Variants in EPHA2 observed in about 807,000 individuals in gnomAD.
EPHA2 encodes EPH receptor A2.
EPHA2 carries 54 observed loss-of-function variants against 104.9 expected under a neutral mutation model. The ratio of observed to expected loss-of-function variants is 0.51; its 90% CI spans 0.41 to 0.65. The LOEUF is 0.65. Ranked by LOEUF, EPHA2 falls within the 30% of genes least tolerant of loss-of-function variation. The pLI is 0.00. For synonymous variants in EPHA2, 560 were observed against 559.1 expected, an observed-to-expected ratio of 1.00 and a Z score of -0.02; for missense variants, 1,117 against 1,369.5, an observed-to-expected ratio of 0.82 and a Z score of 2.91.
rs28541691 is a variant in EPHA2 at position 16,149,318 on chromosome 1, G to C, written c.154-271C>G. ...AGTCCGGGACTCCATGTGACCTCAG[G>C]TGGGTTATGCTCTCTAAGCCGCAAT... is the stretch of plus-strand genomic sequence containing the variant. On this transcript the variant is annotated intron_variant, in intron 2 of 16. Coordinates refer to ENST00000358432, the MANE Select transcript of EPHA2 (RefSeq NM_004431.5). Among the ~76,000 whole-genome samples the C allele has an allele frequency of 0.025, 3,739 of 152,224 alleles. 164 individuals are homozygous for C. The highest frequency in any genetic ancestry group is 0.086 in the African/African-American group (3,561 of 41,520).
intron 1 of EPHA2, among the ~76,000 whole-genome samples, chr1:16,151,621 G>T (rs571510683): frequency 5.9e-5 from 9 of 152,310 alleles, no homozygotes; most frequent in Admixed American, 2.0e-4. Context: ...CCACAGAGCA[G>T]GCAGGATAAA....
intron 5 of EPHA2, 55 bp downstream of exon 5, chr1:16,137,798 T>C: frequency 6.2e-7 from 1 of 1,606,944 alleles, no homozygotes; most frequent in Non-Finnish European, 8.5e-7. Context: ...GCCGTCCTCC[T>C]TAAGCCCCAC....
chr1:16,127,880 T>C (rs1452390019), intron 16 of EPHA2, among the ~76,000 whole-genome samples: 1 of 152,188 alleles, frequency 6.6e-6, no homozygotes, highest in African/African-American at 2.4e-5. Flanking sequence ...GGGAAAGGAA[T>C]TGGCGAGGAG....
chr1:16,135,793 G>T lies in EPHA2; in HGVS notation c.1313-23C>A. 7.3e-7 allele frequency: 1 copy of T among 1,373,526 alleles called. No homozygotes were observed. The highest frequency in any genetic ancestry group is 1.0e-6 in the Non-Finnish European group (1 of 964,796). 85.1% of individuals were successfully genotyped at this position (1,373,526 alleles called of 1,614,324 possible). A position where few individuals can be genotyped will look rare whatever the true frequency, so the allele number is the denominator to read the frequency against. ...GCTCTGGGCAGGACAGGCAGTGGGG[G>T]AAGTGGGTAAGAAGCTGCCTACGAG... is the stretch of plus-strand genomic sequence containing the variant. On this transcript the variant is annotated intron_variant, in intron 5 of 16. Coordinates refer to ENST00000358432, the MANE Select transcript of EPHA2 (RefSeq NM_004431.5). The surrounding 1 kb of genome is among the most constrained non-coding windows in gnomAD (Gnocchi z 4.3).
chr1:16,148,866 G>T lies in EPHA2; in HGVS notation c.335C>A (p.Ala112Asp), dbSNP rs781673577. 1 of 1,614,174 alleles carries T rather than the reference G, an allele frequency of 6.2e-7. No individual in the cohort carries two copies. Among genetic ancestry groups the T allele is most frequent in the East Asian group, 2.2e-5 (1 of 44,892 alleles). Residue 112 changes from alanine to aspartate, a missense_variant, in exon 3 of 17, where the codon GCC becomes GAC. By Grantham distance (126) the Ala-to-Asp change is moderately radical (BLOSUM62 -2). Transcript: ENST00000358432. The surrounding 1 kb of genome is among the most constrained non-coding windows in gnomAD (Gnocchi z 4.9). ...GTTGAAAGTCTCCTTGCAGGAGCTGGCGCCACCAGGGAAGCTGTTGCAGTC... is the reference window on the plus strand; with the variant it reads ...GTTGAAAGTCTCCTTGCAGGAGCTGTCGCCACCAGGGAAGCTGTTGCAGTC... ...VRDCNSFPGG[A>D]SSCKETFNLY...
chr1:16,147,458 AG>A (rs1057134996), intron 3 of EPHA2, among the ~76,000 whole-genome samples: 17 of 152,184 alleles, frequency 1.1e-4, no homozygotes, highest in African/African-American at 4.1e-4. Context: ...ACGAAAGAGG[AG>A]TTTGAGGCCC....
rs2024452102 is a variant in EPHA2 at position 16,125,635 on chromosome 1, C to G, written c.2826-315G>C. ...CAAATCTTCTGAATTATCTGTGAGG[C>G]AGGTGCTCTTTTTCATCCCCATTTT... On this transcript the variant is annotated intron_variant, in intron 16 of 16. Coordinates refer to ENST00000358432, the MANE Select transcript of EPHA2 (RefSeq NM_004431.5). This position sits in a 1 kb window ranked among gnomAD's most constrained non-coding sequence, Gnocchi z 4.9. 6.6e-6 allele frequency among the ~76,000 whole-genome samples: 1 copy of G among 152,168 alleles called. No homozygotes were observed. The highest frequency in any genetic ancestry group is 1.5e-5 in the Non-Finnish European group (1 of 68,028).
At chr1:16,154,756 CAAAAAAAAAAAAA>C (rs558609049) in intron 1 of EPHA2, among the ~76,000 whole-genome samples, 11 of 66,872 alleles carry the variant, frequency 1.6e-4, no homozygotes, top group African/African-American at 5.5e-4. Context: ...AACTCCGTCT[CAAAAAAAAAAAAA>C]AAAAAAAAAA....
At position 16,134,708 on chromosome 1, in the gene EPHA2, T is replaced by C. The variant is rs2024647674; in HGVS notation, c.1583-141A>G. On this transcript the variant is annotated intron_variant, in intron 7 of 16. Coordinates refer to ENST00000358432, the MANE Select transcript of EPHA2 (RefSeq NM_004431.5). This position sits in a 1 kb window ranked among gnomAD's most constrained non-coding sequence, Gnocchi z 4.5. ...GGCTCCAGAGGGTACTTAGTCCCAT[T>C]TCATAGACGGTCAAGCGGAGGCCTT... is the stretch of plus-strand genomic sequence containing the variant. 1.1e-6 allele frequency: 1 copy of C among 947,166 alleles called. No homozygotes were observed. Among genetic ancestry groups the C allele is most frequent in the Non-Finnish European group, 1.7e-6 (1 of 600,168 alleles). 58.7% of individuals were successfully genotyped at this position (947,166 alleles called of 1,614,324 possible).
intron 3 of EPHA2, among the ~76,000 whole-genome samples, chr1:16,145,359 G>A (rs2024913752): frequency 6.6e-6 from 1 of 152,230 alleles, no homozygotes. Context: ...GTGCCCACCT[G>A]CCGCACACAG....
chr1:16,138,019 A>T lies in EPHA2; in HGVS notation c.1146T>A (p.Ser382Arg), dbSNP rs1186185948. Residue 382 changes from serine (S) to arginine (R), a missense_variant, in exon 5 of 17, where the codon AGT (serine) becomes AGA (arginine). Transcript: ENST00000358432. ...CGTGAGGAGGCTCCGAGTAGCGCACACTGGCCTCACACGGCCCGCATTCCC... is the reference window on the plus strand; with the variant it reads ...CGTGAGGAGGCTCCGAGTAGCGCACTCTGGCCTCACACGGCCCGCATTCCC... ...ESGECGPCEASVRYSEPPHGL... is the reference protein window; with the variant it reads ...ESGECGPCEARVRYSEPPHGL... The T allele has an allele frequency of 1.2e-6, 2 of 1,613,780 alleles. No homozygotes were observed. The highest frequency in any genetic ancestry group is 3.3e-5 in the Admixed American group (2 of 60,018).
intron 3 of EPHA2, among the ~76,000 whole-genome samples, chr1:16,147,986 G>A (rs912919313): frequency 6.0e-5 from 9 of 150,930 alleles, no homozygotes; most frequent in Non-Finnish European, 1.2e-4. Context: ...ATTGATTCTC[G>A]TGCTTCAGCC....
Position 16,124,918 on chromosome 1 carries a change from C to T in EPHA2, c.*297G>A, listed in dbSNP as rs1803527. 397,456 of 420,494 alleles carry T rather than the reference C, an allele frequency of 0.95. 188,147 individuals are homozygous for T. The highest frequency in any genetic ancestry group is 0.96 in the Non-Finnish European group (215,553 of 223,688). 26.0% of individuals were successfully genotyped at this position (420,494 alleles called of 1,614,324 possible). On this transcript the variant is annotated 3_prime_UTR_variant, in exon 17 of 17. Transcript: ENST00000358432. ...AGGGAAGGTCGGCTTGGGAATATCC[C>T]ATATGTCTGTCCGAAGGCTGTGGCG... is the stretch of plus-strand genomic sequence containing the variant.
At chr1:16,149,158 T>A in intron 2 of EPHA2, 111 bp from the exon 3 acceptor site, 1 of 1,219,208 alleles carries the variant, frequency 8.2e-7, no homozygotes, top group Non-Finnish European at 1.2e-6. Flanking sequence ...CTCCGGGTTC[T>A]ACGGTGAAGG....
At chr1:16,129,335 G>A (rs1443519733) in intron 16 of EPHA2, 99 bp downstream of exon 16, 39 of 1,383,760 alleles carry the variant, frequency 2.8e-5, no homozygotes, top group Non-Finnish European at 3.6e-5. Context: ...ACAAAGAGAG[G>A]AGCATTGAGG....
In EPHA2 at chr1:16,138,274, C is replaced by T. The variant is rs756635729; in HGVS notation, c.979+1G>A. ...CCACCCTGACCCACTGCAAGACTCACGTGTGCAAGGCATCGACGCTGGGTC... is the reference window on the plus strand; with the variant it reads ...CCACCCTGACCCACTGCAAGACTCATGTGTGCAAGGCATCGACGCTGGGTC... On this transcript the variant is annotated splice_donor_variant, in intron 4 of 16. Transcript: ENST00000358432. LOFTEE classifies it high-confidence loss of function. 8.1e-6 allele frequency: 13 copies of T among 1,613,246 alleles called. No homozygotes were observed. The highest frequency in any genetic ancestry group is 1.1e-5 in the South Asian group (1 of 91,014).
rs779462819 is a variant in EPHA2, at chr1:16,138,379, T to G, written c.875A>C (p.Glu292Ala). 1.9e-6 allele frequency: 3 copies of G among 1,613,860 alleles called. No homozygotes were observed. The highest frequency in any genetic ancestry group is 1.7e-6 in the Non-Finnish European group (2 of 1,179,994). Residue 292 changes from glutamate to alanine, a missense_variant, in exon 4 of 17, where the codon GAG becomes GCG. Glu to Ala is a moderately radical substitution (Grantham distance 107). Around this residue, in one of 3 missense-constraint regions of EPHA2, gnomAD observed 664 missense variants for 784.8 expected, o/e 0.85. Coordinates refer to ENST00000358432, the MANE Select transcript of EPHA2 (RefSeq NM_004431.5). ...KFEASESPCL[E>A]CPEHTLPSPE... ...GGATGGCAGCGTGTGCTCAGGGCAC[T>G]CCAAGCAGGGGCTCTCAGATGCCTC...
In EPHA2 at chr1:16,126,474, C is replaced by G. The variant is rs78223873; in HGVS notation, c.2826-1154G>C. ...GGCGCAGAGCAGGGAAGGGCAGACC[C>G]AGGTGAGTTGGGGGGACTCCAGGAC... On this transcript the variant is annotated intron_variant, in intron 16 of 16. Coordinates refer to ENST00000358432, the MANE Select transcript of EPHA2 (RefSeq NM_004431.5). Among the ~76,000 whole-genome samples the G allele has an allele frequency of 3.2e-3, 493 of 152,326 alleles. 3 individuals are homozygous for G. Among genetic ancestry groups the G allele is most frequent in the African/African-American group, 0.011 (468 of 41,572 alleles).
chr1:16,127,120 G>A (rs573474376), intron 16 of EPHA2, among the ~76,000 whole-genome samples: 25 of 152,252 alleles, frequency 1.6e-4, no homozygotes, highest in African/African-American at 5.8e-4. Flanking sequence ...AGCTCCTACT[G>A]TGTTCTGGCC....
Sources: gnomAD v4.1 joint callset for allele counts (sites outside exome capture counted in the v4.1 genomes callset) on GRCh38, gnomAD v4.1.1 for gene constraint, gnomAD v4.1.1 regional missense constraint, Gnocchi (gnomAD v3.1) non-coding constraint, MANE v1.5 for transcripts, NCBI Gene and HGNC (gene_info 2026-07-23, HGNC 2026-07-21) for gene names.